The following RABGEF1 variants were observed in gnomAD, a reference collection of about 807,000 sequenced individuals.
RABGEF1 encodes the protein RAB guanine nucleotide exchange factor 1, also known as rab5 GDP/GTP exchange factor.
In RABGEF1, 26 loss-of-function variants were observed where a neutral mutation model predicts 57.3. The observed-to-expected ratio is 0.45, with a 90% confidence interval of 0.33 to 0.63. The LOEUF is 0.63. Ranked by LOEUF, RABGEF1 falls within the 20% of genes least tolerant of loss-of-function variation. The pLI, the probability that RABGEF1 is intolerant of heterozygous loss-of-function variation, is 0.02. For synonymous variants in RABGEF1, 185 were observed against 210.7 expected, an observed-to-expected ratio of 0.88 and a Z score of 1.06; for missense variants, 464 against 607.6, an observed-to-expected ratio of 0.76 and a Z score of 2.48.
chr7:66,788,761 C>T (rs1238004592), intron 4 of RABGEF1, among the ~76,000 whole-genome samples: 2 of 151,996 alleles, frequency 1.3e-5, no homozygotes, highest in African/African-American at 4.8e-5. Flanking sequence ...GGTGGATCAC[C>T]TGGCCAACAT....
upstream of RABGEF1, among the ~76,000 whole-genome samples, chr7:66,677,235 A>G (rs1023121329): frequency 6.6e-6 from 1 of 152,206 alleles, no homozygotes; most frequent in African/African-American, 2.4e-5. Context: ...TAGGAATAGC[A>G]TGTAACTTCC....
chr7:66,796,454 G>A (rs1297746208), intron 5 of RABGEF1, among the ~76,000 whole-genome samples: 1 of 152,208 alleles, frequency 6.6e-6, no homozygotes, highest in African/African-American at 2.4e-5. Context: ...CCTTTGTAAT[G>A]TAGGACAGGG....
At chr7:66,764,182 G>A (rs1458134247) in intron 1 of RABGEF1, among the ~76,000 whole-genome samples, 1 of 152,126 alleles carries the variant, frequency 6.6e-6, no homozygotes, top group Non-Finnish European at 1.5e-5. Context: ...ATGTGAAGTG[G>A]CATCTCATTG....
At chr7:66,782,119 C>G (rs939131270) in intron 3 of RABGEF1, among the ~76,000 whole-genome samples, 1 of 152,060 alleles carries the variant, frequency 6.6e-6, no homozygotes, top group East Asian at 1.9e-4. Flanking sequence ...CTAATCATAC[C>G]GATGTCAACA....
chr7:66,662,014 C>T, the RABGEF1 span, among the ~76,000 whole-genome samples: 2 of 152,094 alleles, frequency 1.3e-5, no homozygotes, highest in Admixed American at 6.6e-5. Flanking sequence ...CTTTGGGAGG[C>T]CGAGGCGGGT....
chr7:66,721,945 AGTT>A (rs1796093230), intron 2 of RABGEF1, among the ~76,000 whole-genome samples: 2 of 152,186 alleles, frequency 1.3e-5, no homozygotes, highest in Admixed American at 6.5e-5. Context: ...TGAGGTCAGT[AGTT>A]CAAGACCAGC....
chr7:66,731,930 C>G (rs1797364030), intron 2 of RABGEF1, among the ~76,000 whole-genome samples: 1 of 152,184 alleles, frequency 6.6e-6, no homozygotes, highest in Admixed American at 6.5e-5. Context: ...TGCACAGAAG[C>G]CCCCTGTCTC....
In RABGEF1 at chr7:66,799,393, A is replaced by G. The variant is rs755295337; in HGVS notation, c.799A>G (p.Met267Val). 1.2e-6 allele frequency: 2 copies of G among 1,610,552 alleles called. No homozygotes were observed. Among genetic ancestry groups the G allele is most frequent in the South Asian group, 2.2e-5 (2 of 90,992 alleles). Reference sequence around the variant, plus strand: ...TGAAGACATCCCAGAAGTGTCTGATATGGTGGTGAAGGCGATCACAGGTCA... The same window carrying G: ...TGAAGACATCCCAGAAGTGTCTGATGTGGTGGTGAAGGCGATCACAGGTCA... ...VNEDIPEVSD[M>V]VVKAITDIIE... Residue 267 changes from methionine (M) to valine (V), a missense_variant, in exon 7 of 9, where the codon ATG becomes GTG. By Grantham distance (21) the Met-to-Val change is conservative (BLOSUM62 1). Coordinates refer to ENST00000284957, the MANE Select transcript of RABGEF1 (RefSeq NM_014504.3).
intron 1 of RABGEF1, among the ~76,000 whole-genome samples, chr7:66,700,503 G>T (rs1793088857): frequency 1.2e-5 from 1 of 80,814 alleles, no homozygotes; most frequent in Non-Finnish European, 3.0e-5. Context: ...GGGAGGTAGG[G>T]GAGGGGAAAG....
chr7:66,776,142 G>A (rs1373071251), intron 3 of RABGEF1, among the ~76,000 whole-genome samples: 2 of 152,112 alleles, frequency 1.3e-5, no homozygotes, highest in African/African-American at 2.4e-5. Flanking sequence ...CAGTCAAAGC[G>A]AAATAATGAG....
At chr7:66,655,687 C>A in the RABGEF1 span, among the ~76,000 whole-genome samples, 2 of 152,152 alleles carry the variant, frequency 1.3e-5, no homozygotes, top group Non-Finnish European at 2.9e-5. Flanking sequence ...GTTAAAGAGT[C>A]CGTTCCTTAA....
At chr7:66,785,273 T>C (rs1484480032) in intron 4 of RABGEF1, among the ~76,000 whole-genome samples, 1 of 152,192 alleles carries the variant, frequency 6.6e-6, no homozygotes, top group Non-Finnish European at 1.5e-5. Context: ...TCCTCCTGTT[T>C]TAAGAGCCAC....
At chr7:66,808,829 C>G in intron 8 of RABGEF1, 57 bp from the exon 9 acceptor site, 1 of 1,423,454 alleles carries the variant, frequency 7.0e-7, no homozygotes, top group Non-Finnish European at 9.5e-7. Flanking sequence ...TTTTACAAAT[C>G]GACTCGAGTA....
At chr7:66,703,191 G>GTCTCATCT (rs1473125931) in intron 1 of RABGEF1, among the ~76,000 whole-genome samples, 3 of 152,080 alleles carry the variant, frequency 2.0e-5, no homozygotes, top group African/African-American at 7.2e-5. Flanking sequence ...TTACAGAATG[G>GTCTCATCT]TCTCATCTCC....
At position 66,714,706 on chromosome 7, in the gene RABGEF1, C is replaced by T. The variant is rs181894323; in HGVS notation, c.-815+2482C>T. Among the ~76,000 whole-genome samples the T allele has an allele frequency of 5.9e-5, 9 of 152,248 alleles. No homozygotes were observed. The East Asian group carries it at 1.4e-3, about 23-fold the overall frequency. On this transcript the variant is annotated intron_variant and NMD_transcript_variant, in intron 2 of 9. Coordinates refer to the RABGEF1 transcript ENST00000607882. ...ATCCCAGCACTTTGGGAGGCCCAGG[C>T]GGGCGGATCATGAGGTCAGGAGATC... is the stretch of plus-strand genomic sequence containing the variant.
intron 3 of RABGEF1, among the ~76,000 whole-genome samples, chr7:66,782,672 G>A (rs535773532): frequency 2.0e-5 from 3 of 151,714 alleles, no homozygotes; most frequent in East Asian, 1.9e-4. Flanking sequence ...GCAGCTACTC[G>A]GAGACTTGAG....
At chr7:66,716,886 C>G (rs1795466063) in intron 2 of RABGEF1, among the ~76,000 whole-genome samples, 1 of 152,200 alleles carries the variant, frequency 6.6e-6, no homozygotes, top group African/African-American at 2.4e-5. Context: ...TCAAGTGATC[C>G]TTGTGCCTCA....
At chr7:66,717,483 C>T (rs1157491272) in intron 2 of RABGEF1, among the ~76,000 whole-genome samples, 2 of 151,996 alleles carry the variant, frequency 1.3e-5, no homozygotes, top group African/African-American at 2.4e-5. Context: ...TAGGCCAGGG[C>T]GTGGTGGCTC....
rs111396200 is a variant in RABGEF1 at position 66,692,249 on chromosome 7, G to A, written c.-873+9991G>A. ...CAACTGGGCAGTGCTGTTTCGGAAG[G>A]TCCCTTGGGCACTGGGCCTCTGCTG... On this transcript the variant is annotated intron_variant and NMD_transcript_variant, in intron 1 of 9. Coordinates refer to the RABGEF1 transcript ENST00000607882. Among the ~76,000 whole-genome samples, 431 of 152,304 alleles carry A rather than the reference G, an allele frequency of 2.8e-3. 1 individual carries two copies. Among genetic ancestry groups the A allele is most frequent in the African/African-American group, 1.0e-2 (414 of 41,584 alleles).
Sources: allele counts gnomAD v4.1 joint callset (sites outside exome capture counted in the v4.1 genomes callset), GRCh38; gene constraint gnomAD v4.1.1; transcripts MANE v1.5; gene names NCBI Gene and HGNC (gene_info 2026-07-23, HGNC 2026-07-21).